Variants in NKAIN3 observed in about 807,000 individuals in gnomAD.
The protein encoded by NKAIN3 is sodium/potassium transporting ATPase interacting 3, also known as sodium/potassium-transporting ATPase subunit beta-1-interacting protein 3.
NKAIN3 carries 25 observed loss-of-function variants against 30.2 expected under a neutral mutation model. The observed-to-expected ratio is 0.83, with a 90% CI of 0.60 to 1.16. The LOEUF (loss-of-function observed/expected upper bound fraction) is 1.16, where lower values mean the gene tolerates loss of function less well. Among genes scored for constraint, NKAIN3 ranks in the 50% most tolerant of loss-of-function variants. The pLI, the probability that NKAIN3 is intolerant of heterozygous loss-of-function variation, is 0.00. For synonymous variants in NKAIN3, 91 were observed against 89.6 expected (o/e 1.02, Z -0.09); for missense variants, 225 against 254.1 (o/e 0.89, Z 0.78).
downstream of NKAIN3, among the ~76,000 whole-genome samples, chr8:62,988,647 G>C (rs996431788): frequency 2.6e-5 from 4 of 152,250 alleles, no homozygotes; most frequent in Non-Finnish European, 5.9e-5. Context: ...CAGCAGGTGG[G>C]CTTTGGGCCC....
At chr8:62,290,623 G>T (rs1813569300) in intron 1 of NKAIN3, among the ~76,000 whole-genome samples, 1 of 152,164 alleles carries the variant, frequency 6.6e-6, no homozygotes, top group African/African-American at 2.4e-5. Context: ...TTTTTGATGT[G>T]CTGCTGGATT....
intron 1 of NKAIN3, among the ~76,000 whole-genome samples, chr8:62,540,479 C>A (rs1038128014): frequency 2.0e-5 from 3 of 152,132 alleles, no homozygotes; most frequent in Non-Finnish European, 4.4e-5. Context: ...ATAGTCATAT[C>A]TTTTCATTTA....
chr8:62,935,033 C>A (rs1207680546), intron 5 of NKAIN3, among the ~76,000 whole-genome samples: 1 of 152,086 alleles, frequency 6.6e-6, no homozygotes, highest in Non-Finnish European at 1.5e-5. Flanking sequence ...CCTAAGAGAC[C>A]TTTATGCAGA....
chr8:62,827,168 G>T (rs942994884), intron 4 of NKAIN3, among the ~76,000 whole-genome samples: 2 of 152,204 alleles, frequency 1.3e-5, no homozygotes, highest in Non-Finnish European at 2.9e-5. Flanking sequence ...AAATTGCTTT[G>T]CATCATTGTT....
In NKAIN3 at chr8:62,647,251, G is replaced by C. The variant is rs11986711; in HGVS notation, c.273+57457G>C. Reference sequence around the variant, plus strand: ...GAGTCTGCAAAGGCATAAATGCATAGAGCAGTTGTCTAAAATTCTTGAGAG... The same window carrying C: ...GAGTCTGCAAAGGCATAAATGCATACAGCAGTTGTCTAAAATTCTTGAGAG... On this transcript the variant is annotated intron_variant, in intron 3 of 6. Transcript: ENST00000623646. 9.4e-3 allele frequency among the ~76,000 whole-genome samples: 1,433 copies of C among 152,276 alleles called. 15 individuals carry two copies. Among genetic ancestry groups the C allele is most frequent in the African/African-American group, 0.032 (1,330 of 41,554 alleles).
chr8:62,941,329 G>T (rs553853174), intron 5 of NKAIN3, among the ~76,000 whole-genome samples: 1 of 152,002 alleles, frequency 6.6e-6, no homozygotes. Flanking sequence ...GACATTCAAA[G>T]AATTGGTACC....
chr8:62,990,589 TG>T (rs1447356575), intron 5 of NKAIN3: 2 of 161,738 alleles, frequency 1.2e-5, no homozygotes, highest in African/African-American at 4.8e-5. Context: ...TTTTCAGTGT[TG>T]TAGCACCTCT....
At position 62,798,018 on chromosome 8, in the gene NKAIN3, T is replaced by C. The variant is rs561980202; in HGVS notation, c.471+50889T>C. Among the ~76,000 whole-genome samples the C allele has an allele frequency of 2.6e-5, 4 of 152,206 alleles. No individual in the cohort carries two copies. The South Asian group carries it at 8.3e-4, about 32-fold the overall frequency. On this transcript the variant is annotated intron_variant, in intron 4 of 6. Transcript: ENST00000623646. ...CTCACTTAATTCTCAAAATGACCCA[T>C]GAGGGTGGTGTTATTGTAGTCATTT...
At chr8:62,360,008 C>G (rs1289027946) in intron 1 of NKAIN3, among the ~76,000 whole-genome samples, 1 of 152,160 alleles carries the variant, frequency 6.6e-6, no homozygotes, top group African/African-American at 2.4e-5. Context: ...TGTCTCTGAC[C>G]TACTCAGGGC....
rs192490656 is a variant in NKAIN3, at chr8:62,418,117, G to A, written c.55-161422G>A. Reference sequence around the variant, plus strand: ...ATTATCAGTCCAGCTGCCAGCAAGTGCAAGTGGTTGTCTGATTCAGGAACT... The same window carrying A: ...ATTATCAGTCCAGCTGCCAGCAAGTACAAGTGGTTGTCTGATTCAGGAACT... On this transcript the variant is annotated intron_variant, in intron 1 of 6. Coordinates refer to ENST00000623646, the MANE Select transcript of NKAIN3 (RefSeq NM_001304533.3). Among the ~76,000 whole-genome samples, 208 of 152,300 alleles carry A rather than the reference G, an allele frequency of 1.4e-3. 1 individual carries two copies. Among genetic ancestry groups the A allele is most frequent in the Middle Eastern group, 3.4e-3 (1 of 294 alleles).
rs143423907 is a variant in NKAIN3 at position 62,617,811 on chromosome 8, G to A, written c.273+28017G>A. Among the ~76,000 whole-genome samples, 421 of 152,252 alleles carry A rather than the reference G, an allele frequency of 2.8e-3. 3 individuals carry two copies. Among genetic ancestry groups the A allele is most frequent in the African/African-American group, 9.8e-3 (406 of 41,542 alleles). Reference sequence around the variant, plus strand: ...AGAAAATGGGAAAACATATTACTGTGTTCATACCTTCTTGTCCTCCCCCAG... The same window carrying A: ...AGAAAATGGGAAAACATATTACTGTATTCATACCTTCTTGTCCTCCCCCAG... On this transcript the variant is annotated intron_variant, in intron 3 of 6. Transcript: ENST00000623646.
chr8:62,255,775 T>A (rs1812243086), intron 1 of NKAIN3, among the ~76,000 whole-genome samples: 1 of 152,168 alleles, frequency 6.6e-6, no homozygotes, highest in Non-Finnish European at 1.5e-5. Flanking sequence ...GCCTGAGGAC[T>A]CCTGGACAGT....
At chr8:62,660,594 G>T (rs1812915542) in intron 3 of NKAIN3, among the ~76,000 whole-genome samples, 1 of 152,098 alleles carries the variant, frequency 6.6e-6, no homozygotes, top group Non-Finnish European at 1.5e-5. Context: ...AATGATTAAA[G>T]GTAGGACAGA....
chr8:62,488,799 A>G (rs1806981142), intron 1 of NKAIN3, among the ~76,000 whole-genome samples: 1 of 152,182 alleles, frequency 6.6e-6, no homozygotes, highest in African/African-American at 2.4e-5. Context: ...ATGCTGAGGA[A>G]TAACTGTGTG....
In NKAIN3 at chr8:62,476,676, C is replaced by T. The variant is rs184859359; in HGVS notation, c.55-102863C>T. Among the ~76,000 whole-genome samples, 692 of 152,080 alleles carry T rather than the reference C, an allele frequency of 4.6e-3. 2 individuals are homozygous for T. Among genetic ancestry groups the T allele is most frequent in the African/African-American group, 0.015 (640 of 41,490 alleles). Reference sequence around the variant, plus strand: ...TTCACCATGTTGGCCAGGGTGGTCTCGATGTCCTGACCTCGTGATCCTCCC... The same window carrying T: ...TTCACCATGTTGGCCAGGGTGGTCTTGATGTCCTGACCTCGTGATCCTCCC... On this transcript the variant is annotated intron_variant, in intron 1 of 6. Transcript: ENST00000623646.
chr8:62,274,015 A>G (rs1812852422), intron 1 of NKAIN3, among the ~76,000 whole-genome samples: 1 of 152,172 alleles, frequency 6.6e-6, no homozygotes, highest in African/African-American at 2.4e-5. Context: ...TTCAAATATA[A>G]GAATGTTTTT....
At chr8:62,875,275 G>C (rs1003818323) in intron 4 of NKAIN3, among the ~76,000 whole-genome samples, 4 of 152,096 alleles carry the variant, frequency 2.6e-5, no homozygotes, top group Non-Finnish European at 5.9e-5. Flanking sequence ...CAAGGGAGGT[G>C]AAGGACCTCT....
intron 1 of NKAIN3, among the ~76,000 whole-genome samples, chr8:62,546,734 C>T (rs973460353): frequency 6.6e-6 from 1 of 152,120 alleles, no homozygotes; most frequent in Non-Finnish European, 1.5e-5. Flanking sequence ...TATGATTTCA[C>T]TTCTATTTAA....
At chr8:62,514,279 GT>G (rs1807914692) in intron 1 of NKAIN3, among the ~76,000 whole-genome samples, 1 of 151,820 alleles carries the variant, frequency 6.6e-6, no homozygotes, top group African/African-American at 2.4e-5. Context: ...TTTTTTTAAT[GT>G]TTTTAGATAA....
Sources: allele counts gnomAD v4.1 joint callset (sites outside exome capture counted in the v4.1 genomes callset), GRCh38; gene constraint gnomAD v4.1.1; transcripts MANE v1.5; gene names NCBI Gene and HGNC (gene_info 2026-07-23, HGNC 2026-07-21).